FBN3: variants seen among roughly 807,000 people sequenced by gnomAD.
FBN3 encodes fibrillin 3.
Under a neutral mutation model 330.1 loss-of-function variants are expected in FBN3, and 234 were observed. The ratio of observed to expected loss-of-function variants is 0.71; its 90% CI spans 0.64 to 0.79. The LOEUF (loss-of-function observed/expected upper bound fraction) is 0.79, where lower values mean the gene tolerates loss of function less well. Ranked by LOEUF, FBN3 falls within the 30% of genes least tolerant of loss-of-function variation. The probability of loss-of-function intolerance (pLI) is 0.00; values close to 1 mark genes in which losing one functional copy is unlikely to be tolerated. For synonymous variants in FBN3, 1,458 were observed against 1,517.3 expected, an observed-to-expected ratio of 0.96 and a Z score of 0.91; for missense variants, 3,606 against 3,886.9, an observed-to-expected ratio of 0.93 and a Z score of 1.92.
At chr19:8,089,313 G>A (rs970631893) in intron 51 of FBN3, among the ~76,000 whole-genome samples, 35 of 152,166 alleles carry the variant, frequency 2.3e-4, no homozygotes, top group African/African-American at 8.2e-4. Context: ...AAATGAATAA[G>A]TGAATGAGTA....
At chr19:8,141,381 AAAAAG>A (rs1277519486) in intron 8 of FBN3, among the ~76,000 whole-genome samples, 1 of 150,880 alleles carries the variant, frequency 6.6e-6, no homozygotes, top group East Asian at 1.9e-4. Flanking sequence ...AAAAAAAAAA[AAAAAG>A]AGAGAGACAG....
rs145523308 is a variant in FBN3, at chr19:8,112,075, C to T, written c.3863G>A (p.Gly1288Glu). ...CSDVDECEVG[G>E]HNCDSHASCL... is the part of the protein sequence containing the mutation. Reference sequence around the variant, plus strand: ...GGAGGCGTGACTGTCACAGTTGTGTCCTCCAACCTCGCATTCATCCACATC... The same window carrying T: ...GGAGGCGTGACTGTCACAGTTGTGTTCTCCAACCTCGCATTCATCCACATC... Residue 1288 changes from glycine (G) to glutamate (E), a missense_variant, in exon 31 of 64, where the codon GGA becomes GAA. Transcript: ENST00000600128. 200 of 1,613,372 alleles carry T rather than the reference C, an allele frequency of 1.2e-4. 1 individual carries two copies. Among genetic ancestry groups the T allele is most frequent in the Non-Finnish European group, 1.6e-4 (189 of 1,179,820 alleles).
chr19:8,106,220 G>A lies in FBN3; in HGVS notation c.4701C>T (p.Cys1567=). The change falls in exon 38 of 64, where the codon TGC becomes TGT. Residue 1567 remains cysteine (C), a synonymous_variant. Coordinates refer to ENST00000600128, the MANE Select transcript of FBN3 (RefSeq NM_032447.5). The part of the protein sequence containing the change: ...ITVILEDIDE[C]QELPGLCQGG... ...CCTGACACAGCCCTGGCAGCTCTTG[G>A]CACTCGTCGATGTCTGTCAGGAAGT... The A allele has an allele frequency of 6.2e-7, 1 of 1,614,136 alleles. No homozygotes were observed. Among genetic ancestry groups the A allele is most frequent in the Non-Finnish European group, 8.5e-7 (1 of 1,180,014 alleles).
chr19:8,127,205 G>C (rs1380161190), intron 18 of FBN3, among the ~76,000 whole-genome samples: 1 of 151,874 alleles, frequency 6.6e-6, no homozygotes. Flanking sequence ...CTACAGGCAT[G>C]TGCCACCATG....
intron 37 of FBN3, among the ~76,000 whole-genome samples, chr19:8,106,492 AATAG>A (rs926652633): frequency 1.6e-4 from 24 of 152,362 alleles, no homozygotes; most frequent in African/African-American, 5.8e-4. Context: ...TAGATAGAGA[AATAG>A]ATAGTTTTCT....
In FBN3 at chr19:8,141,760, A is replaced by G. The variant is rs1458239468; in HGVS notation, c.822T>C (p.Cys274=). 6.2e-7 allele frequency: 1 copy of G among 1,614,030 alleles called. No individual in the cohort carries two copies. The highest frequency in any genetic ancestry group is 2.2e-5 in the East Asian group (1 of 44,894). ...TGTCACTGAGCCGGTGTCCAACTGGACAGCGGCAATGGAAGGAGCCCACCA... is the reference window on the plus strand; with the variant it reads ...TGTCACTGAGCCGGTGTCCAACTGGGCAGCGGCAATGGAAGGAGCCCACCA... ...VNMVGSFHCR[C]PVGHRLSDSS... The change falls in exon 8 of 64, where the codon TGT becomes TGC. Residue 274 remains cysteine (C), a synonymous_variant. Coordinates refer to ENST00000600128, the MANE Select transcript of FBN3 (RefSeq NM_032447.5).
rs1220686782 is a variant in FBN3 at position 8,065,445 on chromosome 19, A to T, written c.*474T>A. 1 of 158,624 alleles carries T rather than the reference A, an allele frequency of 6.3e-6. No individual in the cohort carries two copies. The highest frequency in any genetic ancestry group is 1.4e-5 in the Non-Finnish European group (1 of 72,692). 9.8% of individuals were successfully genotyped at this position (158,624 alleles called of 1,614,324 possible). A position where few individuals can be genotyped will look rare whatever the true frequency, so the allele number is the denominator to read the frequency against. ...ATTATCGTCTCCACTTTTGATATAA[A>T]AGCATTCTCCAAATGGGGGGCAAAT... On this transcript the variant is annotated 3_prime_UTR_variant, in exon 64 of 64. Transcript: ENST00000600128.
chr19:8,146,207 C>T lies in FBN3; in HGVS notation c.269G>A (p.Cys90Tyr), dbSNP rs1222244232. Residue 90 changes from cysteine to tyrosine, a missense_variant, in exon 4 of 64, where the codon TGC becomes TAC. By Grantham distance (194) the Cys-to-Tyr change is radical. Transcript: ENST00000600128. Reference protein sequence around the residue: ...QCVVPICRRACGEGFCSQPNL... With the variant: ...QCVVPICRRAYGEGFCSQPNL... ...GGGCTGGGAGCAGAAGCCTTCACCG[C>T]AGGCGCGCCTACAGATGGCTGGATG... 6.3e-7 allele frequency: 1 copy of T among 1,597,406 alleles called. No individual in the cohort carries two copies. Among genetic ancestry groups the T allele is most frequent in the Non-Finnish European group, 8.5e-7 (1 of 1,173,434 alleles).
chr19:8,126,962 G>A (rs192224404), intron 18 of FBN3, 130 bp from the exon 19 acceptor site: 2 of 1,015,804 alleles, frequency 2.0e-6, no homozygotes, highest in Admixed American at 3.1e-5. Context: ...AGCATGCAGA[G>A]GGCACTGGAA....
chr19:8,068,993 G>A (rs1049049740), intron 63 of FBN3, among the ~76,000 whole-genome samples: 16 of 152,254 alleles, frequency 1.1e-4, no homozygotes, highest in Non-Finnish European at 2.2e-4. Context: ...TTATTCAGAT[G>A]ACATTGCGAC....
At chr19:8,110,547 T>C (rs2082554056) in intron 34 of FBN3, among the ~76,000 whole-genome samples, 1 of 152,234 alleles carries the variant, frequency 6.6e-6, no homozygotes, top group Admixed American at 6.5e-5. Flanking sequence ...TGACAGAGAC[T>C]GACTGTGTGG....
chr19:8,095,503 T>C lies in FBN3; in HGVS notation c.5657A>G (p.Asp1886Gly), dbSNP rs767496802. The C allele has an allele frequency of 1.2e-6, 2 of 1,613,026 alleles. No homozygotes were observed. The highest frequency in any genetic ancestry group is 2.7e-5 in the African/African-American group (2 of 75,010). Residue 1886 changes from aspartate (D) to glycine (G), a missense_variant and splice_region_variant, in exon 46 of 64, where the codon GAT becomes GGT. Physicochemically the swap from Asp to Gly is moderately conservative, Grantham distance 94 (BLOSUM62 -1). Transcript: ENST00000600128. ...CACCAGGGTAGTACACTCATCAAAA[T>C]CTGTAGAGGGGAGATGGGCAGGCCA... Reference protein sequence around the residue: ...FVVTHNGDCVDFDECTTLVGQ... With the variant: ...FVVTHNGDCVGFDECTTLVGQ...
Position 8,089,908 on chromosome 19 carries a change from TC to T in FBN3, c.6235del (p.Asp2079MetfsTer7). On this transcript the variant is annotated frameshift_variant, in exon 50 of 64. Transcript: ENST00000600128. LOFTEE classifies it high-confidence loss of function. ...GAGGGGCTCACCTTCTCGGGAGTCA[TC>T]CGGGCCTGGGACTGCCCCGTGGCCA... is the stretch of plus-strand genomic sequence containing the variant. The part of the protein sequence containing the change: ...PFGHGAVPGP[D>X]DSREDVNECA... 6.2e-7 allele frequency: 1 copy of T among 1,601,576 alleles called. No individual in the cohort carries two copies. The highest frequency in any genetic ancestry group is 8.5e-7 in the Non-Finnish European group (1 of 1,174,972).
In FBN3 at chr19:8,088,607, A is replaced by ATGAGTGGGTGAATTAC. The variant is rs2082020516; in HGVS notation, c.6377-444_6377-429dup. Among the ~76,000 whole-genome samples the ATGAGTGGGTGAATTAC allele has an allele frequency of 2.0e-5, 3 of 152,178 alleles. No individual in the cohort carries two copies. In the South Asian group the frequency reaches 6.2e-4, roughly 32 times the overall value. On this transcript the variant is annotated intron_variant, in intron 51 of 63. Transcript: ENST00000600128. ...AGGGAATGAGTGAGTAAAGGGGTGA[A>ATGAGTGGGTGAATTAC]TGAGTGGGTGAATTACTGAGTGAGT... is the stretch of plus-strand genomic sequence containing the variant.
At chr19:8,133,212 G>A in intron 13 of FBN3, 106 bp from the exon 14 acceptor site, 6 of 1,345,984 alleles carry the variant, frequency 4.5e-6, no homozygotes, top group Non-Finnish European at 5.9e-6. Flanking sequence ...TCCCTGGAGT[G>A]TGGGAGGCAA....
chr19:8,073,006 T>TGTGCGAGA, intron 62 of FBN3, 57 bp downstream of exon 62: 1 of 964,458 alleles, frequency 1.0e-6, no homozygotes, highest in Non-Finnish European at 1.6e-6. Flanking sequence ...TGTGTGTGCG[T>TGTGCGAGA]GCGTGCATGG....
chr19:8,080,885 G>C, intron 59 of FBN3, 118 bp downstream of exon 59: 1 of 706,872 alleles, frequency 1.4e-6, no homozygotes, highest in South Asian at 1.7e-5. Flanking sequence ...GCTTTCCAAA[G>C]TGCTGGGATT....
At chr19:8,089,838 G>T in intron 50 of FBN3, 56 bp downstream of exon 50, 1 of 1,546,300 alleles carries the variant, frequency 6.5e-7, no homozygotes, top group Non-Finnish European at 8.8e-7. Context: ...CAGGCAGTGC[G>T]GAGATGGATC....
At chr19:8,120,149 TTTTC>T (rs569495155) in intron 25 of FBN3, among the ~76,000 whole-genome samples, 2,263 of 146,886 alleles carry the variant, frequency 0.015, 51 homozygotes, top group African/African-American at 0.055. Context: ...TTTCTTTTCT[TTTTC>T]TTTCTTTCTT....
Sources: gnomAD v4.1 joint callset for allele counts (sites outside exome capture counted in the v4.1 genomes callset) on GRCh38, gnomAD v4.1.1 for gene constraint, MANE v1.5 for transcripts, NCBI Gene and HGNC (gene_info 2026-07-23, HGNC 2026-07-21) for gene names.